NXPH1: variants seen among roughly 807,000 people sequenced by gnomAD.
The protein encoded by NXPH1 is neurexophilin 1.
Under a neutral mutation model 23.7 loss-of-function variants are expected in NXPH1, and 5 were observed. That is an observed-to-expected ratio of 0.21 (90% CI 0.11 to 0.44). The LOEUF (loss-of-function observed/expected upper bound fraction) is 0.44. Among genes scored for constraint, NXPH1 ranks in the 20% least tolerant of loss-of-function variants. NXPH1 has a pLI of 0.99. For missense variants in NXPH1, 324 were observed against 321.6 expected (o/e 1.01, Z -0.06); for synonymous variants, 144 against 122.2 (o/e 1.18, Z -1.18).
At chr7:8,709,953 C>T (rs1355868180) in intron 2 of NXPH1, among the ~76,000 whole-genome samples, 1 of 152,102 alleles carries the variant, frequency 6.6e-6, no homozygotes, top group Non-Finnish European at 1.5e-5. Context: ...AATTTTATGA[C>T]CAGTAATAAG....
chr7:8,464,953 G>A (rs1816756794), intron 2 of NXPH1, among the ~76,000 whole-genome samples: 1 of 152,012 alleles, frequency 6.6e-6, no homozygotes, highest in South Asian at 2.1e-4. Flanking sequence ...TTTGAATGAG[G>A]GAGAGAAGGA....
chr7:8,675,301 T>G (rs1237505752), intron 2 of NXPH1, among the ~76,000 whole-genome samples: 1 of 151,862 alleles, frequency 6.6e-6, no homozygotes, highest in Non-Finnish European at 1.5e-5. Flanking sequence ...TTAATAATTT[T>G]TATTTTATTT....
intron 2 of NXPH1, among the ~76,000 whole-genome samples, chr7:8,737,879 A>C (rs1009646862): frequency 6.6e-6 from 1 of 152,134 alleles, no homozygotes; most frequent in Non-Finnish European, 1.5e-5. Context: ...TATTTCATTA[A>C]GTTGATCTTC....
chr7:8,700,629 T>A (rs1412819810), intron 2 of NXPH1, among the ~76,000 whole-genome samples: 1 of 152,174 alleles, frequency 6.6e-6, no homozygotes. Flanking sequence ...CACTTTTTTA[T>A]TATATTTGCC....
intron 2 of NXPH1, among the ~76,000 whole-genome samples, chr7:8,682,386 G>A (rs906041931): frequency 6.6e-6 from 1 of 152,146 alleles, no homozygotes; most frequent in Non-Finnish European, 1.5e-5. Context: ...CTGATACACA[G>A]CTGATTTGGG....
chr7:8,494,568 T>A lies in NXPH1; in HGVS notation c.54+58801T>A, dbSNP rs1473201938. Among the ~76,000 whole-genome samples the A allele has an allele frequency of 2.0e-5, 3 of 151,088 alleles. No homozygotes were observed. In the East Asian group the frequency reaches 5.9e-4, roughly 30 times the overall value. Reference sequence around the variant, plus strand: ...ACATAGTAACAGTTTCAGAAAATTGTTGCTTTTTAAAATTTTCATTATTAT... The same window carrying A: ...ACATAGTAACAGTTTCAGAAAATTGATGCTTTTTAAAATTTTCATTATTAT... On this transcript the variant is annotated intron_variant, in intron 2 of 2. Coordinates refer to ENST00000405863, the MANE Select transcript of NXPH1 (RefSeq NM_152745.3).
At chr7:8,484,968 G>A (rs1817133719) in intron 2 of NXPH1, among the ~76,000 whole-genome samples, 1 of 152,134 alleles carries the variant, frequency 6.6e-6, no homozygotes, top group Non-Finnish European at 1.5e-5. Flanking sequence ...CACTGATATG[G>A]TTTGGCTCTG....
chr7:8,600,916 T>A (rs1323066254), intron 2 of NXPH1, among the ~76,000 whole-genome samples: 1 of 150,744 alleles, frequency 6.6e-6, no homozygotes, highest in Non-Finnish European at 1.5e-5. Context: ...GTACTGAATG[T>A]GTAGACCTTT....
intron 2 of NXPH1, among the ~76,000 whole-genome samples, chr7:8,465,432 T>G (rs1460550238): frequency 1.3e-5 from 2 of 151,832 alleles, no homozygotes; most frequent in African/African-American, 4.9e-5. Flanking sequence ...AGGCTTCCTT[T>G]TAGGTCATGG....
At chr7:8,627,163 G>T (rs961490282) in intron 2 of NXPH1, among the ~76,000 whole-genome samples, 1 of 152,090 alleles carries the variant, frequency 6.6e-6, no homozygotes, top group Non-Finnish European at 1.5e-5. Flanking sequence ...AGAAGAAAAA[G>T]ATTCAGATTA....
At chr7:8,510,240 T>C (rs934718972) in intron 2 of NXPH1, among the ~76,000 whole-genome samples, 2 of 152,192 alleles carry the variant, frequency 1.3e-5, no homozygotes, top group African/African-American at 2.4e-5. Flanking sequence ...TTGAAATGAC[T>C]GTTTATAAGT....
At chr7:8,718,100 T>C (rs1328644200) in intron 2 of NXPH1, among the ~76,000 whole-genome samples, 1 of 152,142 alleles carries the variant, frequency 6.6e-6, no homozygotes, top group Non-Finnish European at 1.5e-5. Context: ...GGAACTGTTC[T>C]TTACATTTCT....
In NXPH1 at chr7:8,505,218, T is replaced by G. The variant is rs560244220; in HGVS notation, c.54+69451T>G. On this transcript the variant is annotated intron_variant, in intron 2 of 2. Coordinates refer to ENST00000405863, the MANE Select transcript of NXPH1 (RefSeq NM_152745.3). ...GGCTTGATACTTTCTATACGTACCC[T>G]TAACTCTCTGTTTCTAATTCTCAGC... 2.0e-5 allele frequency among the ~76,000 whole-genome samples: 3 copies of G among 152,184 alleles called. No individual in the cohort carries two copies. The South Asian group carries it at 6.2e-4, about 32-fold the overall frequency.
At chr7:8,507,803 C>T (rs1019546894) in intron 2 of NXPH1, among the ~76,000 whole-genome samples, 9 of 152,108 alleles carry the variant, frequency 5.9e-5, no homozygotes, top group Admixed American at 1.3e-4. Context: ...TCCTCAGCAC[C>T]TCCTGCCTCA....
chr7:8,439,715 A>G (rs192549572), intron 2 of NXPH1, among the ~76,000 whole-genome samples: 3 of 152,174 alleles, frequency 2.0e-5, no homozygotes, highest in Non-Finnish European at 4.4e-5. Flanking sequence ...TGTTTAATAG[A>G]GTTTGGAGAG....
At position 8,435,523 on chromosome 7, in the gene NXPH1, T is replaced by C. The variant is rs1816177225; in HGVS notation, c.-110-81T>C. ...TTTTTTTTGGTCCCCCACTCCCCGC[T>C]ACGACCCCCTTTCCCCGCTTGATTG... On this transcript the variant is annotated intron_variant, in intron 1 of 2. Coordinates refer to ENST00000405863, the MANE Select transcript of NXPH1 (RefSeq NM_152745.3). This position sits in a 1 kb window ranked among gnomAD's most constrained non-coding sequence, Gnocchi z 5.9. The C allele has an allele frequency of 7.4e-6, 4 of 541,890 alleles. No homozygotes were observed. The East Asian group carries it at 1.2e-4, about 17-fold the overall frequency. 33.6% of individuals were successfully genotyped at this position (541,890 alleles called of 1,614,324 possible).
rs1015294383 is a variant in NXPH1 at position 8,442,931 on chromosome 7, G to A, written c.54+7164G>A. Among the ~76,000 whole-genome samples the A allele has an allele frequency of 6.6e-6, 1 of 152,254 alleles. No homozygotes were observed. On this transcript the variant is annotated intron_variant, in intron 2 of 2. Transcript: ENST00000405863. This position sits in a 1 kb window ranked among gnomAD's most constrained non-coding sequence, Gnocchi z 4.6. ...GCCGCGGGCTATAAGATTTGATCGC[G>A]GGCAGGCGGGCGTGGGGCACGCCAG...
chr7:8,662,909 A>G (rs1205771788), intron 2 of NXPH1, among the ~76,000 whole-genome samples: 1 of 149,928 alleles, frequency 6.7e-6, no homozygotes, highest in East Asian at 1.9e-4. Context: ...TTTTTTAACA[A>G]GTGAGGACAT....
At chr7:8,575,588 A>T (rs963746764) in intron 2 of NXPH1, among the ~76,000 whole-genome samples, 1 of 152,184 alleles carries the variant, frequency 6.6e-6, no homozygotes, top group Non-Finnish European at 1.5e-5. Context: ...CAGAAAGAAC[A>T]TAAGTTCTGT....
Sources: gnomAD v4.1 joint callset for allele counts (sites outside exome capture counted in the v4.1 genomes callset) on GRCh38, gnomAD v4.1.1 for gene constraint, Gnocchi (gnomAD v3.1) non-coding constraint, MANE v1.5 for transcripts, NCBI Gene and HGNC (gene_info 2026-07-23, HGNC 2026-07-21) for gene names.